The following CHAC1 variants were observed in gnomAD, a reference collection of about 807,000 sequenced individuals.
CHAC1 encodes the protein ChaC glutathione specific gamma-glutamylcyclotransferase 1.
Under a neutral mutation model 22.1 loss-of-function variants are expected in CHAC1, and 22 were observed. The observed-to-expected ratio is 1.00, with a 90% CI of 0.71 to 1.42. CHAC1 has a LOEUF of 1.42. Ranked by LOEUF, CHAC1 falls within the 40% of genes most tolerant of loss-of-function variation. CHAC1 has a pLI of 0.00. For missense variants in CHAC1, 272 were observed against 299.2 expected, an observed-to-expected ratio of 0.91 and a Z score of 0.67; for synonymous variants, 145 against 128.7, an observed-to-expected ratio of 1.13 and a Z score of -0.86.
In CHAC1 at chr15:40,953,818, A is replaced by G. The variant is rs779807431; in HGVS notation, c.231+4A>G. 8.8e-6 allele frequency: 14 copies of G among 1,583,304 alleles called. No homozygotes were observed. Among genetic ancestry groups the G allele is most frequent in the Non-Finnish European group, 1.2e-5 (14 of 1,169,976 alleles). ...CCATCGGGGCAGCGACAAGATGGTGAGCATCCAACCGTGCCCAGGGGAGTG... is the reference window on the plus strand; with the variant it reads ...CCATCGGGGCAGCGACAAGATGGTGGGCATCCAACCGTGCCCAGGGGAGTG... On this transcript the variant is annotated splice_donor_region_variant and intron_variant, in intron 1 of 2. Coordinates refer to ENST00000617768, the MANE Select transcript of CHAC1 (RefSeq NM_024111.6).
In CHAC1 at chr15:40,955,612, GGGCTTCTCC is replaced by G. The variant is rs1426031462; in HGVS notation, c.511_519del (p.Phe171_Gly173del). ...TTGCCACGCAGATCCTGGCCTGCCG[GGGCTTCTCC>G]GGCCACAACCTTGAATACTTGCTGC... On this transcript the variant is annotated inframe_deletion, in exon 3 of 3. Transcript: ENST00000617768. 3.1e-6 allele frequency: 5 copies of G among 1,613,910 alleles called. No homozygotes were observed. The highest frequency in any genetic ancestry group is 4.2e-6 in the Non-Finnish European group (5 of 1,180,030).
Position 40,955,360 on chromosome 15 carries a change from T to C in CHAC1, c.268-13T>C. The C allele has an allele frequency of 6.2e-7, 1 of 1,612,998 alleles. No individual in the cohort carries two copies. The highest frequency in any genetic ancestry group is 1.7e-5 in the Admixed American group (1 of 60,018). ...TGTCATGACTGACCCCGGGTGTCCC[T>C]ATTTCTTCCCAGGGCTGCACTTGGG... On this transcript the variant is annotated splice_polypyrimidine_tract_variant and intron_variant, in intron 2 of 2. Transcript: ENST00000617768.
rs147315683 is a variant in CHAC1, at chr15:40,955,765, G to C, written c.660G>C (p.Ala220=). 105 of 1,593,782 alleles carry C rather than the reference G, an allele frequency of 6.6e-5. No individual in the cohort carries two copies. Among genetic ancestry groups the C allele is most frequent in the Non-Finnish European group, 7.1e-5 (84 of 1,175,834 alleles). The change falls in exon 3 of 3, where the codon GCG becomes GCC. Residue 220 remains alanine, a synonymous_variant. Transcript: ENST00000617768. ...PCFCPTEQAL[A]LV is the part of the protein sequence containing the mutation. ...TCTGCCCCACCGAGCAGGCTCTGGC[G>C]CTGGTGTGAGGGGCTGAGCCCCTGC...
In CHAC1 at chr15:40,953,605, C is replaced by G. The variant is rs1301647574; in HGVS notation, c.22C>G (p.Pro8Ala). Residue 8 changes from proline (P) to alanine (A), a missense_variant, in exon 1 of 3, where the codon CCG (proline) becomes GCG (alanine). Coordinates refer to ENST00000617768, the MANE Select transcript of CHAC1 (RefSeq NM_024111.6). MKQESAAPNTPPTSQSPT... is the reference protein window; with the variant it reads MKQESAAANTPPTSQSPT... Reference sequence around the variant, plus strand: ...CACCATGAAGCAGGAGTCTGCAGCCCCGAACACCCCGCCCACCTCGCAGTC... The same window carrying G: ...CACCATGAAGCAGGAGTCTGCAGCCGCGAACACCCCGCCCACCTCGCAGTC... 2 of 1,610,132 alleles carry G rather than the reference C, an allele frequency of 1.2e-6. No homozygotes were observed.
chr15:40,953,904 C>A, intron 1 of CHAC1, 90 bp downstream of exon 1: 2 of 999,720 alleles, frequency 2.0e-6, no homozygotes, highest in Non-Finnish European at 2.9e-6. Flanking sequence ...CTCTCTGGGC[C>A]AATAGAAAGA....
At position 40,955,660 on chromosome 15, in the gene CHAC1, C is replaced by G. The variant is rs1299139693; in HGVS notation, c.555C>G (p.Phe185Leu). 1 of 1,612,608 alleles carries G rather than the reference C, an allele frequency of 6.2e-7. No homozygotes were observed. Among genetic ancestry groups the G allele is most frequent in the East Asian group, 2.2e-5 (1 of 44,886 alleles). ...AATACTTGCTGCGTCTGGCAGACTTCATGCAGCTCTGTGGGCCTCAGGCGC... is the reference window on the plus strand; with the variant it reads ...AATACTTGCTGCGTCTGGCAGACTTGATGCAGCTCTGTGGGCCTCAGGCGC... ...NLEYLLRLAD[F>L]MQLCGPQAQD... Residue 185 changes from phenylalanine to leucine, a missense_variant, in exon 3 of 3, where the codon TTC (phenylalanine) becomes TTG (leucine). Physicochemically the swap from Phe to Leu is conservative, Grantham distance 22. Transcript: ENST00000617768.
chr15:40,956,172 C>G lies in CHAC1; in HGVS notation c.*398C>G. The stretch of plus-strand genomic sequence containing the variant: ...GCTCACTCAGCCCAGCCATCCATAG[C>G]CCTGGGAATTCCACCTGCCAAGGAT... On this transcript the variant is annotated 3_prime_UTR_variant, in exon 3 of 3. Coordinates refer to ENST00000617768, the MANE Select transcript of CHAC1 (RefSeq NM_024111.6). 1 of 181,392 alleles carries G rather than the reference C, an allele frequency of 5.5e-6. No homozygotes were observed. Among genetic ancestry groups the G allele is most frequent in the Non-Finnish European group, 1.2e-5 (1 of 85,120 alleles). The allele number at this position is 181,392 out of a possible 1,614,324, so 11.2% of individuals were successfully genotyped here. A position where few individuals can be genotyped will look rare whatever the true frequency, so the allele number is the denominator to read the frequency against.
chr15:40,954,188 T>C (rs1893176849), intron 1 of CHAC1, 40 bp from the exon 2 acceptor site: 1 of 1,611,166 alleles, frequency 6.2e-7, no homozygotes, highest in Middle Eastern at 1.7e-4. Flanking sequence ...CAGAGCTGAT[T>C]TCTAACTTGT....
intron 2 of CHAC1, 55 bp from the exon 3 acceptor site, chr15:40,955,318 A>G: frequency 1.3e-6 from 2 of 1,586,794 alleles, no homozygotes; most frequent in Non-Finnish European, 1.7e-6. Context: ...AGGATAGGAG[A>G]GGGAGCAGCA....
At position 40,954,582 on chromosome 15, in the gene CHAC1, T is replaced by TG. The variant is rs1376841020; in HGVS notation, c.267+319_267+320insG. Among the ~76,000 whole-genome samples, 199 of 148,950 alleles carry TG rather than the reference T, an allele frequency of 1.3e-3. 1 individual carries two copies. Among genetic ancestry groups the TG allele is most frequent in the African/African-American group, 4.8e-3 (184 of 38,716 alleles). On this transcript the variant is annotated intron_variant, in intron 2 of 2. Coordinates refer to ENST00000617768, the MANE Select transcript of CHAC1 (RefSeq NM_024111.6). ...TAGACCACTTTGTCAACTGTTTTTT[T>TG]TTTTTGTTGTTGTTGTTGTTGTTTT...
At chr15:40,954,085 C>A in intron 1 of CHAC1, 143 bp from the exon 2 acceptor site, 1 of 849,860 alleles carries the variant, frequency 1.2e-6, no homozygotes, top group Non-Finnish European at 1.9e-6. Flanking sequence ...CATCGCTCCC[C>A]CACCTTCCCC....
chr15:40,953,894 C>T, intron 1 of CHAC1, 80 bp downstream of exon 1: 1 of 1,085,252 alleles, frequency 9.2e-7, no homozygotes, highest in Non-Finnish European at 1.3e-6. Context: ...ATGTCCGGGG[C>T]TCTCTGGGCC....
chr15:40,956,241 G>C lies in CHAC1; in HGVS notation c.*467G>C, dbSNP rs914881751. 6.2e-6 allele frequency: 1 copy of C among 160,672 alleles called. No individual in the cohort carries two copies. The highest frequency in any genetic ancestry group is 1.4e-5 in the Non-Finnish European group (1 of 72,720). The allele number at this position is 160,672 out of a possible 1,614,324, so 10.0% of individuals were successfully genotyped here. On this transcript the variant is annotated 3_prime_UTR_variant, in exon 3 of 3. Transcript: ENST00000617768. ...GGATAGTAGGGCATGAGGAGAAGGA[G>C]CCCTGTAAGGACTGAGGCCCCGGCC...
Position 40,953,623 on chromosome 15 carries a change from T to G in CHAC1, c.40T>G (p.Ser14Ala). The G allele has an allele frequency of 6.2e-7, 1 of 1,609,968 alleles. No homozygotes were observed. The highest frequency in any genetic ancestry group is 8.5e-7 in the Non-Finnish European group (1 of 1,179,942). Residue 14 changes from serine to alanine, a missense_variant, in exon 1 of 3, where the codon TCG becomes GCG. Coordinates refer to ENST00000617768, the MANE Select transcript of CHAC1 (RefSeq NM_024111.6). ...ESAAPNTPPT[S>A]QSPTPSAQFP... ...TGCAGCCCCGAACACCCCGCCCACC[T>G]CGCAGTCCCCTACGCCGTCCGCTCA... is the stretch of plus-strand genomic sequence containing the variant.
At chr15:40,954,575 GTTTTTT>G (rs56101122) in intron 2 of CHAC1, among the ~76,000 whole-genome samples, 1 of 149,810 alleles carries the variant, frequency 6.7e-6, no homozygotes, top group Non-Finnish European at 1.5e-5. Flanking sequence ...TTTGTCAACT[GTTTTTT>G]TTTTTTGTTG....
Position 40,953,639 on chromosome 15 carries a change from C to G in CHAC1, c.56C>G (p.Pro19Arg). The change falls in exon 1 of 3, where the codon CCG becomes CGG. Residue 19 changes from proline to arginine, a missense_variant. Transcript: ENST00000617768. The part of the protein sequence containing the change: ...NTPPTSQSPT[P>R]SAQFPRNDGD... ...CCGCCCACCTCGCAGTCCCCTACGC[C>G]GTCCGCTCAGTTCCCCCGAAACGAC... 1 of 1,609,778 alleles carries G rather than the reference C, an allele frequency of 6.2e-7. No individual in the cohort carries two copies. The highest frequency in any genetic ancestry group is 8.5e-7 in the Non-Finnish European group (1 of 1,179,980).
chr15:40,954,082 C>A, intron 1 of CHAC1, 146 bp from the exon 2 acceptor site: 1 of 826,822 alleles, frequency 1.2e-6, no homozygotes, highest in Non-Finnish European at 2.0e-6. Flanking sequence ...GTGCATCGCT[C>A]CCCCACCTTC....
At chr15:40,955,346 AC>A (rs1566886400) in intron 2 of CHAC1, 26 bp from the exon 3 acceptor site, 1 of 1,610,732 alleles carries the variant, frequency 6.2e-7, no homozygotes, top group African/African-American at 1.3e-5. Context: ...GTCATGACTG[AC>A]CCCGGGTGTC....
At chr15:40,954,076 A>G (rs1396589377) in intron 1 of CHAC1, 152 bp from the exon 2 acceptor site, 14 of 798,736 alleles carry the variant, frequency 1.8e-5, no homozygotes, top group Admixed American at 1.3e-4. Context: ...ACATCCGTGC[A>G]TCGCTCCCCC....
Sources: gnomAD v4.1 joint callset for allele counts (sites outside exome capture counted in the v4.1 genomes callset) on GRCh38, gnomAD v4.1.1 for gene constraint, MANE v1.5 for transcripts, NCBI Gene and HGNC (gene_info 2026-07-23, HGNC 2026-07-21) for gene names.